Variants in USP34 observed in about 807,000 individuals in gnomAD.
USP34 encodes ubiquitin carboxyl-terminal hydrolase 34.
In USP34, 70 loss-of-function variants were observed where a neutral mutation model predicts 460.3. The observed-to-expected ratio is 0.15, with a 90% CI of 0.13 to 0.19. The LOEUF (loss-of-function observed/expected upper bound fraction) is 0.19, where lower values mean the gene tolerates loss of function less well. USP34 is among the 10% of genes least tolerant of loss of function. The pLI is 1.00. For synonymous variants in USP34, 1,647 were observed against 1,405.3 expected, an observed-to-expected ratio of 1.17 and a Z score of -3.85; for missense variants, 3,985 against 4,236.2, an observed-to-expected ratio of 0.94 and a Z score of 1.65.
intron 1 of USP34, among the ~76,000 whole-genome samples, chr2:61,433,669 A>T (rs1694737997): frequency 6.6e-6 from 1 of 152,126 alleles, no homozygotes; most frequent in Non-Finnish European, 1.5e-5. Context: ...AGAATCCCAC[A>T]GTCCTTGCAA....
chr2:61,383,164 AGAG>A lies in USP34; in HGVS notation c.821+102_821+104del, dbSNP rs1172264026. 62 of 674,606 alleles carry A rather than the reference AGAG, an allele frequency of 9.2e-5. 2 individuals carry two copies. Among genetic ancestry groups the A allele is most frequent in the South Asian group, 4.4e-4 (13 of 29,572 alleles). The allele number at this position is 674,606 out of a possible 1,614,324, so 41.8% of individuals were successfully genotyped here. A position where few individuals can be genotyped will look rare whatever the true frequency, so the allele number is the denominator to read the frequency against. ...CAAACTGTTACTTGAAATTTTCTCT[AGAG>A]GATATGACTATAGGGGACTTTCAAA... On this transcript the variant is annotated intron_variant, in intron 6 of 79. Coordinates refer to ENST00000398571, the MANE Select transcript of USP34 (RefSeq NM_014709.4).
At position 61,214,141 on chromosome 2, in the gene USP34, T is replaced by C. The variant is rs1365907510; in HGVS notation, c.8601A>G (p.Ala2867=). ...GGTGAGAAGCCAGTTGTCGTGTGAA[T>C]GCAGGAGACTGCTCACAGCAGAGCC... ...ILRLCCEQSP[A]FTRQLASHQN... The change falls in exon 68 of 80, where the codon GCA becomes GCG. Residue 2867 remains alanine, a synonymous_variant. Transcript: ENST00000398571. 2 of 1,614,256 alleles carry C rather than the reference T, an allele frequency of 1.2e-6. No homozygotes were observed. Among genetic ancestry groups the C allele is most frequent in the African/African-American group, 1.3e-5 (1 of 75,066 alleles).
At chr2:61,450,449 G>C (rs1695238179) in intron 1 of USP34, among the ~76,000 whole-genome samples, 1 of 152,094 alleles carries the variant, frequency 6.6e-6, no homozygotes, top group African/African-American at 2.4e-5. Context: ...TGGTTTACAA[G>C]TGGCAAAACC....
At chr2:61,223,397 A>T in intron 62 of USP34, 101 bp from the exon 63 acceptor site, 1 of 1,162,588 alleles carries the variant, frequency 8.6e-7, no homozygotes, top group Non-Finnish European at 1.2e-6. Context: ...TTATAATTGT[A>T]TTAACCTGCC....
chr2:61,294,534 T>A (rs1689965178), intron 32 of USP34, among the ~76,000 whole-genome samples: 1 of 150,748 alleles, frequency 6.6e-6, no homozygotes, highest in Non-Finnish European at 1.5e-5. Flanking sequence ...TTCTCCTGCC[T>A]CAGCCACCTG....
Position 61,228,892 on chromosome 2 carries a change from G to C in USP34, c.7303C>G (p.His2435Asp), listed in dbSNP as rs746446246. Reference protein sequence around the residue: ...LLIMEHGVKPHSKHLTEYFAF... With the variant: ...LLIMEHGVKPDSKHLTEYFAF... ...AAATACTCTGTAAGATGTTTACTGT[G>C]AGGTTTTACACCATGTTCCATAATT... is the stretch of plus-strand genomic sequence containing the variant. Residue 2435 changes from histidine (H) to aspartate (D), a missense_variant, in exon 60 of 80, where the codon CAC becomes GAC. Physicochemically the swap from His to Asp is moderately conservative, Grantham distance 81. Around this residue, in one of 14 missense-constraint regions of USP34, gnomAD observed 604 missense variants for 684.8 expected, o/e 0.88. Coordinates refer to ENST00000398571, the MANE Select transcript of USP34 (RefSeq NM_014709.4). The C allele has an allele frequency of 4.4e-6, 7 of 1,608,252 alleles. No individual in the cohort carries two copies. Among genetic ancestry groups the C allele is most frequent in the African/African-American group, 1.3e-5 (1 of 74,562 alleles).
At chr2:61,436,335 C>A (rs1298888921) in intron 1 of USP34, among the ~76,000 whole-genome samples, 1 of 152,102 alleles carries the variant, frequency 6.6e-6, no homozygotes, top group Non-Finnish European at 1.5e-5. Context: ...AATAAAGACA[C>A]ACATAGACTA....
chr2:61,250,817 G>A (rs1688557728), intron 48 of USP34, among the ~76,000 whole-genome samples: 1 of 152,190 alleles, frequency 6.6e-6, no homozygotes, highest in Admixed American at 6.5e-5. Flanking sequence ...TTATACTTAA[G>A]GGATCAATAG....
intron 10 of USP34, among the ~76,000 whole-genome samples, chr2:61,358,104 A>C (rs1692160641): frequency 6.6e-6 from 1 of 152,186 alleles, no homozygotes; most frequent in Non-Finnish European, 1.5e-5. Context: ...AGACAGGAGA[A>C]TCACTTGAAC....
In USP34 at chr2:61,348,590, C is replaced by A. The variant is rs1558542600; in HGVS notation, c.1675-110G>T. On this transcript the variant is annotated intron_variant, in intron 14 of 79. Transcript: ENST00000398571. The stretch of plus-strand genomic sequence containing the variant: ...AAAAGGCTGCCAGTCTTGTTATACT[C>A]CTTTGAACAATACAAAATGGAATTA... The A allele has an allele frequency of 4.8e-6, 7 of 1,455,984 alleles. No homozygotes were observed. The East Asian group carries it at 1.7e-4, about 35-fold the overall frequency. 90.2% of individuals were successfully genotyped at this position (1,455,984 alleles called of 1,614,324 possible).
chr2:61,385,671 C>CAAAAAAAAAA (rs61200102), intron 5 of USP34, among the ~76,000 whole-genome samples: 10 of 45,998 alleles, frequency 2.2e-4, no homozygotes, highest in Admixed American at 3.7e-4. Context: ...GACTCTGTCT[C>CAAAAAAAAAA]AAAAAAAAAA....
chr2:61,190,131 A>T, intron 78 of USP34, 140 bp downstream of exon 78: 1 of 1,200,870 alleles, frequency 8.3e-7, no homozygotes, highest in Non-Finnish European at 1.1e-6. Flanking sequence ...ACGTGTATTT[A>T]AAACTTGTTT....
At chr2:61,229,515 GAC>G (rs763165060) in intron 59 of USP34, 31 bp downstream of exon 59, 32 of 1,079,134 alleles carry the variant, frequency 3.0e-5, no homozygotes, top group Non-Finnish European at 3.7e-5. Flanking sequence ...ACACAACACA[GAC>G]ACACAAACTT....
At chr2:61,292,655 A>AAAAGC in intron 33 of USP34, among the ~76,000 whole-genome samples, 1 of 152,308 alleles carries the variant, frequency 6.6e-6, no homozygotes, top group South Asian at 2.1e-4. Context: ...GCAATTCAAA[A>AAAAGC]AAAGCAAAAC....
At chr2:61,462,554 A>G (rs1695635211) in intron 1 of USP34, among the ~76,000 whole-genome samples, 1 of 150,572 alleles carries the variant, frequency 6.6e-6, no homozygotes, top group Non-Finnish European at 1.5e-5. Context: ...GTCTCCAAAA[A>G]AAAAAAAAAA....
Position 61,353,569 on chromosome 2 carries a change from G to GT in USP34, c.1252-2877dup, listed in dbSNP as rs200338931. ...ACCACACCCAGCTAGTTTTGTTTTTGTTTTTGTTTTTTTTGTTTAGTTGGG... is the reference window on the plus strand; with the variant it reads ...ACCACACCCAGCTAGTTTTGTTTTTGTTTTTTGTTTTTTTTGTTTAGTTGGG... On this transcript the variant is annotated intron_variant, in intron 10 of 79. Transcript: ENST00000398571. Among the ~76,000 whole-genome samples, 162 of 121,162 alleles carry GT rather than the reference G, an allele frequency of 1.3e-3. 4 individuals carry two copies. Among genetic ancestry groups the GT allele is most frequent in the East Asian group, 4.4e-3 (19 of 4,360 alleles). The allele number at this position is 121,162 out of a possible 152,430, so 79.5% of individuals were successfully genotyped here.
intron 10 of USP34, among the ~76,000 whole-genome samples, chr2:61,366,078 G>A (rs564737312): frequency 7.2e-5 from 11 of 152,084 alleles, no homozygotes; most frequent in Non-Finnish European, 1.6e-4. Flanking sequence ...GGCATGCGCC[G>A]CCATGCCTGG....
In USP34 at chr2:61,228,934, C is replaced by G; in HGVS notation, c.7261G>C (p.Val2421Leu). The G allele has an allele frequency of 6.2e-7, 1 of 1,610,332 alleles. No homozygotes were observed. The highest frequency in any genetic ancestry group is 8.5e-7 in the Non-Finnish European group (1 of 1,178,108). Residue 2421 changes from valine to leucine, a missense_variant, in exon 60 of 80, where the codon GTG becomes CTG. Transcript: ENST00000398571. ...IGGRSCVTRF[V>L]RTLLLIMEHG... ...TCCATAATTAATAACAGGGTTCTCACAAAGCGAGTGACACATGAACGACCA... is the reference window on the plus strand; with the variant it reads ...TCCATAATTAATAACAGGGTTCTCAGAAAGCGAGTGACACATGAACGACCA...
chr2:61,299,092 C>A (rs1690139055), intron 29 of USP34, among the ~76,000 whole-genome samples: 1 of 151,968 alleles, frequency 6.6e-6, no homozygotes, highest in Non-Finnish European at 1.5e-5. Flanking sequence ...AATGATTATT[C>A]TGCTTGAAAA....
Sources: allele counts gnomAD v4.1 joint callset (sites outside exome capture counted in the v4.1 genomes callset), GRCh38; gene constraint gnomAD v4.1.1; regional missense constraint gnomAD v4.1.1; transcripts MANE v1.5; gene names NCBI Gene and HGNC (gene_info 2026-07-23, HGNC 2026-07-21).